The following THSD7B variants were observed in gnomAD, a reference collection of about 807,000 sequenced individuals.
THSD7B encodes thrombospondin type-1 domain-containing protein 7B.
Under a neutral mutation model 213.6 loss-of-function variants are expected in THSD7B, and 138 were observed. The ratio of observed to expected loss-of-function variants is 0.65; its 90% confidence interval spans 0.56 to 0.74. The LOEUF is 0.74. THSD7B is among the 30% of genes least tolerant of loss of function. THSD7B has a pLI of 0.00. For missense variants in THSD7B, 1,931 were observed against 1,991.5 expected (o/e 0.97, Z 0.58); for synonymous variants, 742 against 687.0 (o/e 1.08, Z -1.25).
chr2:137,223,167 T>C (rs1432458067), intron 7 of THSD7B, among the ~76,000 whole-genome samples: 1 of 152,106 alleles, frequency 6.6e-6, no homozygotes, highest in Non-Finnish European at 1.5e-5. Flanking sequence ...TGTTGACTGC[T>C]CCAGGAAACT....
intron 15 of THSD7B, among the ~76,000 whole-genome samples, chr2:137,475,948 T>A (rs1688182790): frequency 6.6e-6 from 1 of 152,106 alleles, no homozygotes; most frequent in South Asian, 2.1e-4. Context: ...CTAGAAGAGA[T>A]CCCTTTTCTT....
chr2:137,087,031 C>T (rs1687854254), intron 3 of THSD7B, among the ~76,000 whole-genome samples: 1 of 152,056 alleles, frequency 6.6e-6, no homozygotes, highest in Admixed American at 6.6e-5. Flanking sequence ...CATAAATTGC[C>T]ATGTATTCAT....
intron 15 of THSD7B, among the ~76,000 whole-genome samples, chr2:137,559,368 A>G (rs1271377020): frequency 6.6e-6 from 1 of 152,214 alleles, no homozygotes; most frequent in Admixed American, 6.5e-5. Flanking sequence ...AAACAGAGAT[A>G]TAGACAAATG....
chr2:137,276,975 A>G (rs1388757942), intron 12 of THSD7B, among the ~76,000 whole-genome samples: 3 of 152,052 alleles, frequency 2.0e-5, no homozygotes, highest in African/African-American at 7.2e-5. Context: ...ATAAGAATGA[A>G]CCACTTTCTT....
intron 12 of THSD7B, among the ~76,000 whole-genome samples, chr2:137,362,124 A>G (rs1685278514): frequency 6.6e-6 from 1 of 152,218 alleles, no homozygotes; most frequent in African/African-American, 2.4e-5. Flanking sequence ...TTTCATATCC[A>G]GCCAAACTAA....
chr2:137,027,637 GTGTGCAGGCA>G (rs1361614825), intron 2 of THSD7B, among the ~76,000 whole-genome samples: 1 of 152,180 alleles, frequency 6.6e-6, no homozygotes, highest in East Asian at 1.9e-4. Flanking sequence ...ACCACAGTAT[GTGTGCAGGCA>G]TGTGCTGCCG....
intron 15 of THSD7B, among the ~76,000 whole-genome samples, chr2:137,541,930 G>A (rs1475852390): frequency 2.0e-5 from 3 of 151,452 alleles, no homozygotes; most frequent in African/African-American, 7.3e-5. Context: ...ATTAAAAAGT[G>A]AAGAACAATG....
chr2:137,024,684 A>G (rs1686511918), intron 2 of THSD7B, among the ~76,000 whole-genome samples: 1 of 151,728 alleles, frequency 6.6e-6, no homozygotes, highest in Non-Finnish European at 1.5e-5. Context: ...TACTCTGATA[A>G]AAGTGTACAC....
At chr2:137,315,432 G>A (rs530187975) in intron 12 of THSD7B, among the ~76,000 whole-genome samples, 3 of 152,062 alleles carry the variant, frequency 2.0e-5, no homozygotes, top group Admixed American at 6.6e-5. Flanking sequence ...AGATGAACCC[G>A]ATACCTCAGA....
chr2:136,770,634 A>G (rs6752506), intron 1 of THSD7B, among the ~76,000 whole-genome samples: 31,254 of 152,044 alleles, frequency 0.21, 3,831 homozygotes, highest in East Asian at 0.39. Flanking sequence ...CTCCAGTGAT[A>G]TTACCTAAGG....
At chr2:137,242,895 G>C (rs1681943636) in intron 10 of THSD7B, among the ~76,000 whole-genome samples, 1 of 152,106 alleles carries the variant, frequency 6.6e-6, no homozygotes. Flanking sequence ...CACAATCACA[G>C]TTTCTATGTG....
rs76480958 is a variant in THSD7B at position 136,951,200 on chromosome 2, G to T, written c.139+68883G>T. On this transcript the variant is annotated intron_variant, in intron 2 of 27. Transcript: ENST00000409968. ...ACCTTGGGATGAAGCATGCATTTGA[G>T]AGCCGGCCTTTGAGAGATAGCTTTA... is the stretch of plus-strand genomic sequence containing the variant. Among the ~76,000 whole-genome samples, 876 of 152,218 alleles carry T rather than the reference G, an allele frequency of 5.8e-3. 9 individuals carry two copies. The highest frequency in any genetic ancestry group is 0.019 in the African/African-American group (806 of 41,510).
chr2:137,260,432 C>G (rs1682414125), intron 10 of THSD7B, among the ~76,000 whole-genome samples: 1 of 152,024 alleles, frequency 6.6e-6, no homozygotes, highest in Non-Finnish European at 1.5e-5. Context: ...CATATGTGAA[C>G]TCTGGGTTCA....
chr2:137,005,548 A>G (rs1686088049), intron 2 of THSD7B, among the ~76,000 whole-genome samples: 1 of 152,202 alleles, frequency 6.6e-6, no homozygotes. Context: ...AGATATCTTA[A>G]CAGAAGTAAT....
intron 20 of THSD7B, among the ~76,000 whole-genome samples, chr2:137,623,200 T>G (rs140872595): frequency 6.6e-6 from 1 of 152,202 alleles, no homozygotes; most frequent in East Asian, 1.9e-4. Context: ...ACATAATTCA[T>G]CATATAAATA....
At chr2:137,641,594 A>G (rs1042997823) in intron 20 of THSD7B, among the ~76,000 whole-genome samples, 2 of 152,242 alleles carry the variant, frequency 1.3e-5, no homozygotes, top group Non-Finnish European at 1.5e-5. Context: ...AGAGAGAGTG[A>G]GAGTGAAAGA....
At chr2:136,851,758 C>A (rs1683102189) in intron 1 of THSD7B, among the ~76,000 whole-genome samples, 1 of 151,992 alleles carries the variant, frequency 6.6e-6, no homozygotes, top group Non-Finnish European at 1.5e-5. Flanking sequence ...TCGTTACAGC[C>A]TTTTTCTACA....
At chr2:137,294,583 CA>C (rs1210363889) in intron 12 of THSD7B, among the ~76,000 whole-genome samples, 25,900 of 73,194 alleles carry the variant, frequency 0.35, 1,709 homozygotes, top group East Asian at 0.52. Flanking sequence ...AACTCCATCT[CA>C]AAAAAAAAAA....
intron 2 of THSD7B, among the ~76,000 whole-genome samples, chr2:136,991,272 A>G (rs991883633): frequency 6.6e-6 from 1 of 152,176 alleles, no homozygotes; most frequent in African/African-American, 2.4e-5. Context: ...ACGCATGCAA[A>G]ATGATTCTAA....
Sources: allele counts gnomAD v4.1 joint callset (sites outside exome capture counted in the v4.1 genomes callset), GRCh38; gene constraint gnomAD v4.1.1; transcripts MANE v1.5; gene names NCBI Gene and HGNC (gene_info 2026-07-23, HGNC 2026-07-21).